KCND2: variants seen among roughly 807,000 people sequenced by gnomAD.
KCND2 encodes the protein potassium voltage-gated channel subfamily D member 2, also known as A-type voltage-gated potassium channel KCND2.
KCND2 carries 16 observed loss-of-function variants against 54.4 expected under a neutral mutation model. That is an observed-to-expected ratio of 0.29 (90% CI 0.20 to 0.45). The LOEUF is 0.45. Among genes scored for constraint, KCND2 ranks in the 20% least tolerant of loss-of-function variants. The pLI, the probability that KCND2 is intolerant of heterozygous loss-of-function variation, is 1.00. For missense variants in KCND2, 486 were observed against 824.2 expected (o/e 0.59, Z 5.02); for synonymous variants, 317 against 310.7 (o/e 1.02, Z -0.21).
chr7:120,328,244 G>A (rs990462690), intron 1 of KCND2, among the ~76,000 whole-genome samples: 5 of 152,172 alleles, frequency 3.3e-5, no homozygotes, highest in Admixed American at 2.6e-4. Flanking sequence ...GAGTGTTTAG[G>A]TAGGCAAATT....
chr7:120,451,108 G>A (rs1584784283), intron 1 of KCND2, among the ~76,000 whole-genome samples: 1 of 152,128 alleles, frequency 6.6e-6, no homozygotes, highest in East Asian at 1.9e-4. Flanking sequence ...GGTCCATTTG[G>A]TATTTGAAGT....
chr7:120,273,461 CCCGCGACAGTGG>C lies in KCND2; in HGVS notation c.-1169_-1158del, dbSNP rs1799112997. The stretch of plus-strand genomic sequence containing the variant: ...AGCCCCGCACCGCGCTGGCCAGGCT[CCCGCGACAGTGG>C]CCCCGCAGTAAGTTGGCAGGAGCGA... On this transcript the variant is annotated 5_prime_UTR_variant, in exon 1 of 6. Coordinates refer to ENST00000331113, the MANE Select transcript of KCND2 (RefSeq NM_012281.3). Among the ~76,000 whole-genome samples, 2 of 150,350 alleles carry C rather than the reference CCCGCGACAGTGG, an allele frequency of 1.3e-5. No homozygotes were observed. The highest frequency in any genetic ancestry group is 4.8e-5 in the African/African-American group (2 of 41,362).
intron 1 of KCND2, among the ~76,000 whole-genome samples, chr7:120,325,471 TC>T (rs1238029648): frequency 6.6e-6 from 1 of 151,454 alleles, no homozygotes; most frequent in Admixed American, 6.6e-5. Flanking sequence ...TTGAAATATG[TC>T]CCATCAATAC....
At chr7:120,611,628 G>T (rs1018388131) in intron 1 of KCND2, among the ~76,000 whole-genome samples, 22 of 152,118 alleles carry the variant, frequency 1.4e-4, no homozygotes, top group African/African-American at 5.1e-4. Context: ...ACATGAATCA[G>T]GATGCAGAGT....
chr7:120,451,348 A>G (rs571025411), intron 1 of KCND2, among the ~76,000 whole-genome samples: 2 of 152,338 alleles, frequency 1.3e-5, no homozygotes, highest in Non-Finnish European at 2.9e-5. Context: ...TTGACAGAGT[A>G]GGGCTTTTGA....
At chr7:120,611,105 C>T (rs1792948666) in intron 1 of KCND2, among the ~76,000 whole-genome samples, 1 of 152,216 alleles carries the variant, frequency 6.6e-6, no homozygotes. Context: ...CTCTTGAAGT[C>T]ATGTACTGCA....
At chr7:120,323,451 C>A (rs1799924892) in intron 1 of KCND2, among the ~76,000 whole-genome samples, 1 of 151,036 alleles carries the variant, frequency 6.6e-6, no homozygotes, top group African/African-American at 2.5e-5. Context: ...CTCCCCACTC[C>A]CCCCACCCCA....
At chr7:120,456,511 C>A (rs569018478) in intron 1 of KCND2, among the ~76,000 whole-genome samples, 1 of 152,290 alleles carries the variant, frequency 6.6e-6, no homozygotes, top group African/African-American at 2.4e-5. Context: ...CTATTTATTT[C>A]TGTTTTCCTG....
chr7:120,730,000 C>G (rs2116136262), intron 1 of KCND2, among the ~76,000 whole-genome samples: 1 of 152,134 alleles, frequency 6.6e-6, no homozygotes, highest in Non-Finnish European at 1.5e-5. Flanking sequence ...GCTTGCCTAT[C>G]CTATGACATA....
At chr7:120,456,823 G>A (rs916249960) in intron 1 of KCND2, among the ~76,000 whole-genome samples, 1 of 152,196 alleles carries the variant, frequency 6.6e-6, no homozygotes, top group African/African-American at 2.4e-5. Context: ...TGAGGACTCT[G>A]TGTGGGGGCT....
chr7:120,612,245 A>G lies in KCND2; in HGVS notation c.1116-120658A>G, dbSNP rs1792965782. ...AAGTAACAATACTTGAAAAAATACC[A>G]TAACTCATCTTTCCAATCCCCATGC... is the stretch of plus-strand genomic sequence containing the variant. On this transcript the variant is annotated intron_variant, in intron 1 of 5. Coordinates refer to ENST00000331113, the MANE Select transcript of KCND2 (RefSeq NM_012281.3). 3.9e-5 allele frequency among the ~76,000 whole-genome samples: 6 copies of G among 152,206 alleles called. No homozygotes were observed. The South Asian group carries it at 1.2e-3, about 31-fold the overall frequency.
At chr7:120,649,429 A>G (rs111442291) in intron 1 of KCND2, among the ~76,000 whole-genome samples, 1,531 of 152,300 alleles carry the variant, frequency 0.01, 11 homozygotes, top group South Asian at 0.026. Context: ...CTTTAAGTAC[A>G]TAGTTGTAGA....
At chr7:120,674,749 C>A (rs1165894553) in intron 1 of KCND2, among the ~76,000 whole-genome samples, 1 of 152,206 alleles carries the variant, frequency 6.6e-6, no homozygotes, top group Non-Finnish European at 1.5e-5. Flanking sequence ...ATGTCATGGT[C>A]AAACACATGT....
intron 1 of KCND2, among the ~76,000 whole-genome samples, chr7:120,711,052 T>C (rs1792530994): frequency 6.6e-6 from 1 of 152,120 alleles, no homozygotes; most frequent in Admixed American, 6.6e-5. Flanking sequence ...TATACAAGTG[T>C]ATTTTCTTAA....
chr7:120,432,036 C>T (rs1330593938), intron 1 of KCND2, among the ~76,000 whole-genome samples: 2 of 152,132 alleles, frequency 1.3e-5, no homozygotes, highest in South Asian at 2.1e-4. Context: ...AATATATGCT[C>T]ATGTATCCTA....
At chr7:120,721,041 A>G (rs1438038195) in intron 1 of KCND2, among the ~76,000 whole-genome samples, 1 of 152,198 alleles carries the variant, frequency 6.6e-6, no homozygotes, top group Admixed American at 6.6e-5. Flanking sequence ...TAGTATCAAC[A>G]TATTTTCACA....
At chr7:120,556,244 A>C (rs966631138) in intron 1 of KCND2, among the ~76,000 whole-genome samples, 4 of 152,208 alleles carry the variant, frequency 2.6e-5, no homozygotes, top group Non-Finnish European at 5.9e-5. Context: ...ACTAAAATGA[A>C]TAAATTCCCC....
At chr7:120,664,042 T>A (rs2116563774) in intron 1 of KCND2, among the ~76,000 whole-genome samples, 2 of 150,670 alleles carry the variant, frequency 1.3e-5, no homozygotes, top group East Asian at 3.9e-4. Context: ...AAATCTCTTT[T>A]CCCAAACTGA....
At chr7:120,548,080 A>G (rs1465073807) in intron 1 of KCND2, among the ~76,000 whole-genome samples, 2 of 152,108 alleles carry the variant, frequency 1.3e-5, no homozygotes, top group Non-Finnish European at 2.9e-5. Context: ...ATTTCTACAA[A>G]GAAAAAAATG....
Sources: gnomAD v4.1 joint callset for allele counts (sites outside exome capture counted in the v4.1 genomes callset) on GRCh38, gnomAD v4.1.1 for gene constraint, MANE v1.5 for transcripts, NCBI Gene and HGNC (gene_info 2026-07-23, HGNC 2026-07-21) for gene names.